SVOPL: variants seen among roughly 807,000 people sequenced by gnomAD.
SVOPL encodes SVOP like, also known as putative transporter SVOPL.
Under a neutral mutation model 61.0 loss-of-function variants are expected in SVOPL, and 60 were observed. The ratio of observed to expected loss-of-function variants is 0.98; its 90% CI spans 0.80 to 1.22. SVOPL has a LOEUF of 1.22. SVOPL is among the 50% of genes most tolerant of loss of function. SVOPL has a pLI of 0.00. For synonymous variants in SVOPL, 279 were observed against 250.0 expected, an observed-to-expected ratio of 1.12 and a Z score of -1.09; for missense variants, 662 against 643.9, an observed-to-expected ratio of 1.03 and a Z score of -0.30.
intron 4 of SVOPL, 89 bp from the exon 5 acceptor site, chr7:138,663,234 G>A: frequency 1.3e-6 from 2 of 1,550,766 alleles, no homozygotes; most frequent in Admixed American, 2.0e-5. Flanking sequence ...AAGTAGGCTG[G>A]AAATACGGGA....
intron 3 of SVOPL, among the ~76,000 whole-genome samples, chr7:138,675,516 G>A (rs1464339728): frequency 6.6e-6 from 1 of 151,946 alleles, no homozygotes; most frequent in African/African-American, 2.4e-5. Flanking sequence ...ACCATACCCC[G>A]GTAATTTTTT....
chr7:138,689,443 AG>A, intron 1 of SVOPL: 2 of 1,157,608 alleles, frequency 1.7e-6, no homozygotes, highest in Non-Finnish European at 2.6e-6. Context: ...GAAAAGGAAC[AG>A]ATTGTTCCTA....
chr7:138,661,956 A>G (rs922026865), intron 5 of SVOPL: 2 of 985,338 alleles, frequency 2.0e-6, no homozygotes, highest in Admixed American at 6.1e-5. Context: ...AATTACCAAT[A>G]GGCTCCTCTT....
intron 7 of SVOPL, among the ~76,000 whole-genome samples, chr7:138,651,814 T>C (rs577516149): frequency 4.2e-4 from 64 of 152,182 alleles, no homozygotes; most frequent in Non-Finnish European, 8.2e-4. Flanking sequence ...AGCCTTCCTA[T>C]GCCCTCAGAT....
rs115958939 is a variant in SVOPL, at chr7:138,652,975, G to C, written c.534+3473C>G. On this transcript the variant is annotated intron_variant, in intron 7 of 15. Transcript: ENST00000674285. ...AGTGCTACCCCAGTGAACAAAAGTG[G>C]TAAGAAAGTGAAACAGCATTACGGC... Among the ~76,000 whole-genome samples, 1,106 of 152,262 alleles carry C rather than the reference G, an allele frequency of 7.3e-3. 11 individuals carry two copies. Among genetic ancestry groups the C allele is most frequent in the African/African-American group, 0.025 (1,022 of 41,544 alleles).
chr7:138,675,515 C>T (rs918939831), intron 3 of SVOPL, among the ~76,000 whole-genome samples: 1 of 151,900 alleles, frequency 6.6e-6, no homozygotes, highest in Non-Finnish European at 1.5e-5. Flanking sequence ...CACCATACCC[C>T]GGTAATTTTT....
At chr7:138,663,210 G>C in intron 4 of SVOPL, 65 bp from the exon 5 acceptor site, 1 of 1,572,524 alleles carries the variant, frequency 6.4e-7, no homozygotes. Flanking sequence ...TACCCCGTTA[G>C]CCATTTTCAC....
chr7:138,602,449 A>C (rs1358547490), intron 14 of SVOPL, among the ~76,000 whole-genome samples: 1 of 16,712 alleles, frequency 6.0e-5, no homozygotes, highest in Non-Finnish European at 1.2e-4. Flanking sequence ...TGCTATATAT[A>C]TATATATATA....
intron 9 of SVOPL, among the ~76,000 whole-genome samples, chr7:138,643,159 G>C (rs1361187884): frequency 6.6e-6 from 1 of 151,656 alleles, no homozygotes; most frequent in Non-Finnish European, 1.5e-5. Flanking sequence ...AGGTGCGGTG[G>C]CTCACGCCTG....
At chr7:138,614,006 A>C (rs1799171944) in intron 14 of SVOPL, among the ~76,000 whole-genome samples, 1 of 152,228 alleles carries the variant, frequency 6.6e-6, no homozygotes, top group Non-Finnish European at 1.5e-5. Context: ...ACTGCAAATA[A>C]ATAGAACTAG....
rs558959764 is a variant in SVOPL, at chr7:138,672,020, G to C, written c.272C>G (p.Thr91Arg). ...LENWQVALVT[T>R]MVFFGYMVFS... ...ACGGCACAGGGAGCAGGTACTTACC[G>C]TGGTTACTAATGCCACCTGCCAATT... The change falls in exon 4 of 16, where the codon ACG (threonine) becomes AGG (arginine). Residue 91 changes from threonine to arginine, a missense_variant and splice_region_variant. Physicochemically the swap from Thr to Arg is moderately conservative, Grantham distance 71. Transcript: ENST00000674285. The C allele has an allele frequency of 2.6e-6, 4 of 1,551,628 alleles. No homozygotes were observed. Among genetic ancestry groups the C allele is most frequent in the Non-Finnish European group, 3.5e-6 (4 of 1,146,948 alleles).
intron 15 of SVOPL, 124 bp from the exon 16 acceptor site, chr7:138,594,745 C>A: frequency 1.7e-6 from 1 of 605,334 alleles, no homozygotes; most frequent in South Asian, 3.6e-5. Flanking sequence ...GAGGGAAAAT[C>A]CTAGCATTTA....
intron 1 of SVOPL, among the ~76,000 whole-genome samples, chr7:138,697,611 CA>C (rs397890852): frequency 2.8e-3 from 196 of 70,546 alleles, no homozygotes; most frequent in Middle Eastern, 6.9e-3. Flanking sequence ...GACCCTGCCT[CA>C]AAAAAAAAAA....
intron 14 of SVOPL, among the ~76,000 whole-genome samples, chr7:138,610,563 G>A (rs1798955190): frequency 6.6e-6 from 1 of 152,156 alleles, no homozygotes; most frequent in South Asian, 2.1e-4. Context: ...TTGCCCTTGG[G>A]AAAACTCTTA....
In SVOPL at chr7:138,643,665, C is replaced by T. The variant is rs140553318; in HGVS notation, c.789+1052G>A. ...ATGAAATGAACCAGTCACAAAAAGA[C>T]AAACACTGTATGATTCTACGTGTGA... On this transcript the variant is annotated intron_variant, in intron 9 of 15. Coordinates refer to ENST00000674285, the MANE Select transcript of SVOPL (RefSeq NM_001139456.2). Among the ~76,000 whole-genome samples the T allele has an allele frequency of 4.2e-3, 594 of 140,382 alleles. 2 individuals carry two copies. Among genetic ancestry groups the T allele is most frequent in the African/African-American group, 0.01 (381 of 37,036 alleles). 92.1% of individuals were successfully genotyped at this position (140,382 alleles called of 152,430 possible).
chr7:138,651,708 C>T (rs182260229), intron 7 of SVOPL, among the ~76,000 whole-genome samples: 3 of 152,136 alleles, frequency 2.0e-5, no homozygotes, highest in East Asian at 1.9e-4. Flanking sequence ...TTGGGGGCAC[C>T]GCAAACTGCA....
At chr7:138,655,486 C>G (rs1403946851) in intron 7 of SVOPL, among the ~76,000 whole-genome samples, 1 of 151,988 alleles carries the variant, frequency 6.6e-6, no homozygotes, top group Admixed American at 6.6e-5. Context: ...TCCTGGGCAA[C>G]AAGAGCGAAA....
intron 3 of SVOPL, 50 bp downstream of exon 3, chr7:138,678,384 T>C: frequency 6.5e-7 from 1 of 1,531,950 alleles, no homozygotes; most frequent in Middle Eastern, 1.8e-4. Context: ...TCTCTTCAAA[T>C]ATTTTACAGA....
At chr7:138,637,794 A>T (rs1337173626) in intron 9 of SVOPL, among the ~76,000 whole-genome samples, 4 of 150,780 alleles carry the variant, frequency 2.7e-5, no homozygotes, top group Non-Finnish European at 4.4e-5. Flanking sequence ...TCTACTAAAA[A>T]TACAAAAACT....
Sources: gnomAD v4.1 joint callset for allele counts (sites outside exome capture counted in the v4.1 genomes callset) on GRCh38, gnomAD v4.1.1 for gene constraint, MANE v1.5 for transcripts, NCBI Gene and HGNC (gene_info 2026-07-23, HGNC 2026-07-21) for gene names.